The following FAT3 variants were observed in gnomAD, a reference collection of about 807,000 sequenced individuals.
The protein encoded by FAT3 is FAT atypical cadherin 3.
FAT3 carries 95 observed loss-of-function variants against 310.2 expected under a neutral mutation model. The observed-to-expected ratio is 0.31, with a 90% CI of 0.26 to 0.36. The LOEUF is 0.36. Among genes scored for constraint, FAT3 ranks in the 10% least tolerant of loss-of-function variants. FAT3 has a pLI of 1.00. For synonymous variants in FAT3, 2,314 were observed against 2,192.9 expected, an observed-to-expected ratio of 1.06 and a Z score of -1.54; for missense variants, 5,408 against 5,715.6, an observed-to-expected ratio of 0.95 and a Z score of 1.74.
At chr11:92,230,466 AT>A (rs11309875) in intron 1 of FAT3, among the ~76,000 whole-genome samples, 67,298 of 151,706 alleles carry the variant, frequency 0.44, 15,419 homozygotes, top group Non-Finnish European at 0.52. Context: ...CTTAATTTTT[AT>A]ATTTTTAGTA....
At chr11:92,230,747 G>A (rs532832812) in intron 1 of FAT3, among the ~76,000 whole-genome samples, 2 of 152,292 alleles carry the variant, frequency 1.3e-5, no homozygotes, top group South Asian at 4.1e-4. Context: ...AATGAGAGAT[G>A]CCTGTGTGTG....
intron 1 of FAT3, among the ~76,000 whole-genome samples, chr11:92,321,760 A>G (rs1591105503): frequency 6.6e-6 from 1 of 152,158 alleles, no homozygotes; most frequent in African/African-American, 2.4e-5. Flanking sequence ...GATAATAACC[A>G]CTAATGGTAA....
chr11:92,597,435 C>T (rs1939768669), intron 3 of FAT3, among the ~76,000 whole-genome samples: 1 of 152,174 alleles, frequency 6.6e-6, no homozygotes, highest in Non-Finnish European at 1.5e-5. Flanking sequence ...AAACTTCAGG[C>T]TCTGTGGCTC....
chr11:92,725,682 T>C (rs1457657072), intron 4 of FAT3, among the ~76,000 whole-genome samples: 2 of 152,194 alleles, frequency 1.3e-5, no homozygotes, highest in East Asian at 1.9e-4. Flanking sequence ...TCAGATACAG[T>C]TGAGATTTAT....
At chr11:92,310,689 A>T (rs1947274578) in intron 1 of FAT3, among the ~76,000 whole-genome samples, 1 of 152,110 alleles carries the variant, frequency 6.6e-6, no homozygotes, top group Non-Finnish European at 1.5e-5. Flanking sequence ...ATATGTATAT[A>T]CATGTATATA....
chr11:92,727,842 T>G (rs1455038949), intron 4 of FAT3, among the ~76,000 whole-genome samples: 3 of 152,254 alleles, frequency 2.0e-5, no homozygotes, highest in Non-Finnish European at 4.4e-5. Context: ...GCCTGCAGCT[T>G]GCAACCCCCG....
chr11:92,745,420 A>G (rs1319989356), intron 4 of FAT3, among the ~76,000 whole-genome samples: 6 of 152,192 alleles, frequency 3.9e-5, no homozygotes, highest in Non-Finnish European at 8.8e-5. Flanking sequence ...CATGGGTGGT[A>G]GTCACCATTG....
intron 2 of FAT3, among the ~76,000 whole-genome samples, chr11:92,492,780 T>C (rs1260419106): frequency 6.6e-6 from 1 of 152,078 alleles, no homozygotes; most frequent in African/African-American, 2.4e-5. Context: ...TGAGCATCAC[T>C]TGGTAATTTG....
intron 19 of FAT3, among the ~76,000 whole-genome samples, chr11:92,851,461 G>A (rs1948827271): frequency 6.6e-6 from 1 of 152,150 alleles, no homozygotes; most frequent in Non-Finnish European, 1.5e-5. Flanking sequence ...AGGCCACACA[G>A]TGACTAAATT....
intron 3 of FAT3, among the ~76,000 whole-genome samples, chr11:92,666,602 C>T (rs1002026532): frequency 2.0e-5 from 3 of 151,508 alleles, no homozygotes; most frequent in Admixed American, 6.6e-5. Flanking sequence ...CCTCGTGATC[C>T]GCCTGCCTCG....
intron 4 of FAT3, among the ~76,000 whole-genome samples, chr11:92,733,561 G>A (rs1945251001): frequency 6.6e-6 from 1 of 152,098 alleles, no homozygotes; most frequent in Non-Finnish European, 1.5e-5. Flanking sequence ...TGCAGAGTTG[G>A]ACAGCAGTCT....
chr11:92,832,234 G>A (rs140074215), intron 14 of FAT3, among the ~76,000 whole-genome samples: 212 of 152,244 alleles, frequency 1.4e-3, no homozygotes, highest in East Asian at 4.1e-3. Flanking sequence ...TGCTTGGGAC[G>A]TTGAGATGGG....
At chr11:92,617,093 C>T in intron 3 of FAT3, among the ~76,000 whole-genome samples, 1 of 152,168 alleles carries the variant, frequency 6.6e-6, no homozygotes, top group East Asian at 1.9e-4. Context: ...GTTCCATTTT[C>T]CTTGTCACTT....
In FAT3 at chr11:92,831,850, A is replaced by G. The variant is rs751303091; in HGVS notation, c.9710A>G (p.Glu3237Gly). Reference sequence around the variant, plus strand: ...ATTAATGACAACCCCCCTGTGTTTGAGAGGAGGGACTACCTGGTGACGGTG... The same window carrying G: ...ATTAATGACAACCCCCCTGTGTTTGGGAGGAGGGACTACCTGGTGACGGTG... ...LDINDNPPVFERRDYLVTVPE... is the reference protein window; with the variant it reads ...LDINDNPPVFGRRDYLVTVPE... The change falls in exon 14 of 28, where the codon GAG (glutamate) becomes GGG (glycine). Residue 3237 changes from glutamate (E) to glycine (G), a missense_variant. By Grantham distance (98) the Glu-to-Gly change is moderately conservative. Transcript: ENST00000525166. 6.2e-7 allele frequency: 1 copy of G among 1,613,658 alleles called. No individual in the cohort carries two copies. The highest frequency in any genetic ancestry group is 8.5e-7 in the Non-Finnish European group (1 of 1,179,806).
intron 1 of FAT3, among the ~76,000 whole-genome samples, chr11:92,348,552 C>T (rs532669306): frequency 4.6e-5 from 7 of 152,024 alleles, no homozygotes; most frequent in Non-Finnish European, 1.0e-4. Flanking sequence ...GAAATAACAC[C>T]AGGGAGAGTA....
intron 2 of FAT3, among the ~76,000 whole-genome samples, chr11:92,378,446 G>T (rs1332468602): frequency 6.6e-6 from 1 of 152,050 alleles, no homozygotes; most frequent in Admixed American, 6.6e-5. Flanking sequence ...CCATACCCTT[G>T]CCTCTCTTCA....
chr11:92,678,717 C>T (rs1002762078), intron 3 of FAT3, among the ~76,000 whole-genome samples: 3 of 152,102 alleles, frequency 2.0e-5, no homozygotes, highest in Admixed American at 6.5e-5. Flanking sequence ...TCCAAGCTCT[C>T]CATGTTCAAT....
intron 2 of FAT3, among the ~76,000 whole-genome samples, chr11:92,358,354 C>G (rs539797674): frequency 4.6e-5 from 7 of 152,222 alleles, no homozygotes; most frequent in Non-Finnish European, 1.0e-4. Context: ...AGGATATAAG[C>G]TGTATCTTGA....
At chr11:92,631,654 C>T (rs1205216023) in intron 3 of FAT3, among the ~76,000 whole-genome samples, 1 of 152,078 alleles carries the variant, frequency 6.6e-6, no homozygotes, top group Admixed American at 6.5e-5. Context: ...CAATTAAACC[C>T]GTTTTCTTTA....
Sources: allele counts gnomAD v4.1 joint callset (sites outside exome capture counted in the v4.1 genomes callset), GRCh38; gene constraint gnomAD v4.1.1; transcripts MANE v1.5; gene names NCBI Gene and HGNC (gene_info 2026-07-23, HGNC 2026-07-21).